The following COG5 variants were observed in gnomAD, a reference collection of about 807,000 sequenced individuals.
The protein encoded by COG5 is component of oligomeric golgi complex 5.
In COG5, 86 loss-of-function variants were observed where a neutral mutation model predicts 110.4. The observed-to-expected ratio is 0.78, with a 90% CI of 0.65 to 0.93. The LOEUF (loss-of-function observed/expected upper bound fraction) is 0.93, where lower values mean the gene tolerates loss of function less well. Ranked by LOEUF, COG5 falls within the 40% of genes least tolerant of loss-of-function variation. The probability of loss-of-function intolerance (pLI) is 0.00; values close to 1 mark genes in which losing one functional copy is unlikely to be tolerated. For missense variants in COG5, 1,077 were observed against 987.0 expected (o/e 1.09, Z -1.22); for synonymous variants, 360 against 334.6 (o/e 1.08, Z -0.83).
At chr7:107,264,953 A>G (rs900803331) in intron 14 of COG5, among the ~76,000 whole-genome samples, 25 of 151,334 alleles carry the variant, frequency 1.7e-4, no homozygotes, top group Non-Finnish European at 3.1e-4. Flanking sequence ...AAAAGACTGG[A>G]AAAAAAAAGC....
chr7:107,400,370 C>T (rs1053759427), intron 7 of COG5, among the ~76,000 whole-genome samples: 6 of 152,034 alleles, frequency 3.9e-5, no homozygotes, highest in Admixed American at 3.3e-4. Flanking sequence ...CAAAAAGTTG[C>T]TGCCTGTAAT....
intron 5 of COG5, among the ~76,000 whole-genome samples, chr7:107,541,543 T>TATATAC (rs1491503606): frequency 7.4e-6 from 1 of 134,636 alleles, no homozygotes; most frequent in East Asian, 2.1e-4. Context: ...TATATATATA[T>TATATAC]GTATTTATGC....
intron 10 of COG5, among the ~76,000 whole-genome samples, chr7:107,335,125 G>C (rs751066069): frequency 4.3e-4 from 65 of 152,138 alleles, no homozygotes; most frequent in Middle Eastern, 3.2e-3. Flanking sequence ...AGTTTTTAAA[G>C]TTTTTTCTTT....
rs375579219 is a variant in COG5 at position 107,527,505 on chromosome 7, G to T, written c.418-148C>A. 3.1e-5 allele frequency: 25 copies of T among 806,326 alleles called. No homozygotes were observed. In the South Asian group the frequency reaches 3.3e-4, roughly 11 times the overall value. 49.9% of individuals were successfully genotyped at this position (806,326 alleles called of 1,614,324 possible). On this transcript the variant is annotated intron_variant, in intron 5 of 21. Transcript: ENST00000297135. ...TGTAACAAACCTGCACATGTATCCC[G>T]GAACTTAAATTACAAAAAAAACACA...
chr7:107,227,596 A>G (rs929475851), intron 19 of COG5, among the ~76,000 whole-genome samples: 1 of 152,004 alleles, frequency 6.6e-6, no homozygotes, highest in African/African-American at 2.4e-5. Flanking sequence ...CTTAAGTGAA[A>G]CTTATCCTCA....
chr7:107,365,858 G>T (rs1241323841), intron 8 of COG5, among the ~76,000 whole-genome samples: 1 of 152,064 alleles, frequency 6.6e-6, no homozygotes, highest in African/African-American at 2.4e-5. Context: ...TAACAAACTG[G>T]TCAATGGTTA....
intron 7 of COG5, among the ~76,000 whole-genome samples, chr7:107,395,834 C>T (rs551778117): frequency 1.3e-5 from 2 of 152,116 alleles, no homozygotes; most frequent in East Asian, 1.9e-4. Context: ...GGATTACAGG[C>T]GTGAGCCACT....
chr7:107,509,070 A>T (rs1419003855), intron 6 of COG5, among the ~76,000 whole-genome samples: 1 of 152,238 alleles, frequency 6.6e-6, no homozygotes, highest in Non-Finnish European at 1.5e-5. Context: ...GTGTTGAGAG[A>T]AGAAGGCTTC....
intron 11 of COG5, among the ~76,000 whole-genome samples, chr7:107,303,221 G>GC (rs1398884737): frequency 7.9e-5 from 12 of 151,610 alleles, no homozygotes. Context: ...AGTTGAATAT[G>GC]TTTTTTCTTT....
chr7:107,257,385 T>A (rs1416091098), intron 15 of COG5, among the ~76,000 whole-genome samples: 2 of 152,138 alleles, frequency 1.3e-5, no homozygotes, highest in African/African-American at 4.8e-5. Context: ...CTTTAACATG[T>A]ATTTTGTTTA....
chr7:107,541,523 A>AAAAATATATAT (rs60423657), intron 5 of COG5, among the ~76,000 whole-genome samples: 87 of 56,980 alleles, frequency 1.5e-3, no homozygotes, highest in East Asian at 4.2e-3. Flanking sequence ...AAAAAAAAAA[A>AAAAATATATAT]ATATATATAT....
chr7:107,557,113 T>C (rs1217862171), intron 2 of COG5, among the ~76,000 whole-genome samples: 1 of 152,146 alleles, frequency 6.6e-6, no homozygotes, highest in Non-Finnish European at 1.5e-5. Flanking sequence ...TGAAATCAAA[T>C]GATACATAAT....
At chr7:107,311,844 C>A (rs1808300852) in intron 11 of COG5, among the ~76,000 whole-genome samples, 1 of 150,618 alleles carries the variant, frequency 6.6e-6, no homozygotes, top group African/African-American at 2.4e-5. Context: ...AGGTTTTTTT[C>A]CATGCAAAAA....
At chr7:107,509,059 C>A (rs961001830) in intron 6 of COG5, among the ~76,000 whole-genome samples, 3 of 152,104 alleles carry the variant, frequency 2.0e-5, no homozygotes, top group Admixed American at 6.5e-5. Context: ...ATGACTTTGA[C>A]GTGTTGAGAG....
At chr7:107,275,678 C>A (rs1804648804) in intron 14 of COG5, among the ~76,000 whole-genome samples, 1 of 151,976 alleles carries the variant, frequency 6.6e-6, no homozygotes, top group Non-Finnish European at 1.5e-5. Context: ...GGCGCGCCAC[C>A]ACACCTGACT....
chr7:107,365,587 G>T (rs1270383517), intron 8 of COG5, among the ~76,000 whole-genome samples: 1 of 42,376 alleles, frequency 2.4e-5, no homozygotes, highest in African/African-American at 9.4e-5. Flanking sequence ...GTTCAACATT[G>T]CAAAATGACA....
At position 107,400,144 on chromosome 7, in the gene COG5, TA is replaced by T. The variant is rs1184458442; in HGVS notation, c.669+12357del. 5.3e-5 allele frequency among the ~76,000 whole-genome samples: 8 copies of T among 152,274 alleles called. No homozygotes were observed. In the East Asian group the frequency reaches 1.5e-3, roughly 29 times the overall value. ...AATGCAGCTTTATTTACAATAGTCT[TA>T]AAGTAGAAATAACCTAAATGCTCAT... On this transcript the variant is annotated intron_variant, in intron 7 of 21. Transcript: ENST00000297135.
At chr7:107,527,098 C>G in intron 6 of COG5, 139 bp downstream of exon 6, 1 of 658,796 alleles carries the variant, frequency 1.5e-6, no homozygotes, top group East Asian at 2.9e-5. Flanking sequence ...AGAAGTGTTA[C>G]AATATTGTAT....
At chr7:107,547,050 G>A (rs1038652990) in intron 5 of COG5, among the ~76,000 whole-genome samples, 2 of 152,116 alleles carry the variant, frequency 1.3e-5, no homozygotes, top group Non-Finnish European at 1.5e-5. Flanking sequence ...TTACCCTTCT[G>A]TTAATGACAA....
Sources: gnomAD v4.1 joint callset for allele counts (sites outside exome capture counted in the v4.1 genomes callset) on GRCh38, gnomAD v4.1.1 for gene constraint, MANE v1.5 for transcripts, NCBI Gene and HGNC (gene_info 2026-07-23, HGNC 2026-07-21) for gene names.